PTPRD: variants seen among roughly 807,000 people sequenced by gnomAD.
The protein encoded by PTPRD is protein tyrosine phosphatase receptor type D, also known as receptor-type tyrosine-protein phosphatase delta.
Under a neutral mutation model 214.5 loss-of-function variants are expected in PTPRD, and 34 were observed. The ratio of observed to expected loss-of-function variants is 0.16; its 90% CI spans 0.12 to 0.21. The LOEUF is 0.21. Among genes scored for constraint, PTPRD ranks in the 10% least tolerant of loss-of-function variants. The pLI, the probability that PTPRD is intolerant of heterozygous loss-of-function variation, is 1.00. For missense variants in PTPRD, 2,545 were observed against 2,398.7 expected (o/e 1.06, Z -1.27); for synonymous variants, 1,128 against 845.7 (o/e 1.33, Z -5.79).
chr9:9,216,864 A>G (rs531578226), intron 9 of PTPRD, among the ~76,000 whole-genome samples: 1 of 152,314 alleles, frequency 6.6e-6, no homozygotes, highest in African/African-American at 2.4e-5. Context: ...AAAATAATTT[A>G]AAATGGAACA....
At chr9:9,524,487 AT>A (rs2073541764) in intron 8 of PTPRD, among the ~76,000 whole-genome samples, 1 of 152,172 alleles carries the variant, frequency 6.6e-6, no homozygotes, top group Admixed American at 6.6e-5. Context: ...GTACTCTATC[AT>A]TTAAACTGTA....
At chr9:9,836,450 A>T (rs1480720936) in intron 5 of PTPRD, among the ~76,000 whole-genome samples, 1 of 152,130 alleles carries the variant, frequency 6.6e-6, no homozygotes, top group Non-Finnish European at 1.5e-5. Context: ...CAAACCCTCA[A>T]AAATTTGAAC....
intron 11 of PTPRD, among the ~76,000 whole-genome samples, chr9:8,973,454 C>G (rs1200761945): frequency 1.3e-5 from 2 of 151,994 alleles, no homozygotes; most frequent in Non-Finnish European, 2.9e-5. Flanking sequence ...TTTTCTTTAT[C>G]CAATCCACCG....
intron 9 of PTPRD, among the ~76,000 whole-genome samples, chr9:9,382,469 C>A (rs1259248216): frequency 2.0e-5 from 3 of 152,042 alleles, no homozygotes; most frequent in Non-Finnish European, 4.4e-5. Flanking sequence ...GAATCTCCTA[C>A]AACTAAATAG....
intron 34 of PTPRD, among the ~76,000 whole-genome samples, 176 bp from the exon 35 acceptor site, chr9:8,436,865 G>C (rs1420621709): frequency 1.3e-5 from 2 of 152,130 alleles, no homozygotes; most frequent in African/African-American, 2.4e-5. Flanking sequence ...ACATGCTCTG[G>C]GAAGATGAAT....
chr9:10,429,447 C>T (rs767313918), intron 2 of PTPRD, among the ~76,000 whole-genome samples: 8 of 151,774 alleles, frequency 5.3e-5, no homozygotes, highest in South Asian at 2.1e-4. Context: ...GGTCTATCAA[C>T]GAATGAATAA....
At chr9:10,167,166 G>A (rs536077107) in intron 3 of PTPRD, among the ~76,000 whole-genome samples, 2 of 151,650 alleles carry the variant, frequency 1.3e-5, no homozygotes, top group South Asian at 4.2e-4. Context: ...GAAGCTTATG[G>A]AGTAGTATGG....
At chr9:9,251,265 G>A (rs1318393896) in intron 9 of PTPRD, among the ~76,000 whole-genome samples, 2 of 152,040 alleles carry the variant, frequency 1.3e-5, no homozygotes, top group African/African-American at 4.8e-5. Context: ...GCATCTGAAT[G>A]TGGCAGCATG....
intron 7 of PTPRD, among the ~76,000 whole-genome samples, chr9:9,670,619 T>C (rs961855054): frequency 6.6e-6 from 1 of 152,188 alleles, no homozygotes; most frequent in Non-Finnish European, 1.5e-5. Context: ...CCCAGTGTCC[T>C]GGTGCTGTGT....
At chr9:8,554,394 G>A (rs978695188) in intron 14 of PTPRD, among the ~76,000 whole-genome samples, 2 of 152,092 alleles carry the variant, frequency 1.3e-5, no homozygotes, top group Non-Finnish European at 2.9e-5. Context: ...TTAAATATGG[G>A]AAAGTAAAAA....
At chr9:10,479,109 G>A (rs1014766132) in intron 2 of PTPRD, among the ~76,000 whole-genome samples, 2 of 152,080 alleles carry the variant, frequency 1.3e-5, no homozygotes, top group Non-Finnish European at 2.9e-5. Context: ...CAGAATGTTT[G>A]GCTAGGCTAA....
At chr9:8,345,933 A>G (rs1031874596) in intron 39 of PTPRD, among the ~76,000 whole-genome samples, 3 of 152,064 alleles carry the variant, frequency 2.0e-5, no homozygotes, top group African/African-American at 7.2e-5. Flanking sequence ...TAATGCTCCA[A>G]AAGTTCTGTC....
intron 3 of PTPRD, among the ~76,000 whole-genome samples, chr9:10,197,732 G>C (rs2099403637): frequency 6.6e-6 from 1 of 152,082 alleles, no homozygotes; most frequent in South Asian, 2.1e-4. Context: ...GGGGAAGGCT[G>C]AGATATGCAG....
intron 9 of PTPRD, among the ~76,000 whole-genome samples, chr9:9,259,461 G>A (rs139184584): frequency 1.9e-4 from 29 of 151,950 alleles, no homozygotes; most frequent in African/African-American, 6.5e-4. Flanking sequence ...ACCTACATGT[G>A]TAAGTGTAAA....
At chr9:10,272,446 T>C (rs2154383722) in intron 3 of PTPRD, among the ~76,000 whole-genome samples, 1 of 152,348 alleles carries the variant, frequency 6.6e-6, no homozygotes, top group Non-Finnish European at 1.5e-5. Context: ...TATGTGTTCA[T>C]TTTTCTTGGA....
intron 2 of PTPRD, among the ~76,000 whole-genome samples, chr9:10,475,643 T>C (rs2099057805): frequency 6.6e-6 from 1 of 152,074 alleles, no homozygotes; most frequent in African/African-American, 2.4e-5. Flanking sequence ...GCCAGAATCA[T>C]CCTGATTCCA....
At chr9:10,092,433 T>C (rs1590935050) in intron 3 of PTPRD, among the ~76,000 whole-genome samples, 1 of 151,432 alleles carries the variant, frequency 6.6e-6, no homozygotes, top group African/African-American at 2.4e-5. Context: ...ATGTGATATT[T>C]CTGCTGAGAA....
chr9:8,442,729 T>C (rs542312918), intron 34 of PTPRD, among the ~76,000 whole-genome samples: 13 of 152,298 alleles, frequency 8.5e-5, no homozygotes, highest in Non-Finnish European at 1.9e-4. Context: ...AATACTCTGC[T>C]ATATTTGTTA....
chr9:10,427,678 A>G lies in PTPRD; in HGVS notation c.-599-86661T>C, dbSNP rs528056922. ...AGTTTCTGTCCCGATTAGATAAATA[A>G]TTAGTCACTTTCAATGGAAAGCTTC... is the stretch of plus-strand genomic sequence containing the variant. On this transcript the variant is annotated intron_variant, in intron 2 of 45. Coordinates refer to ENST00000381196, the MANE Select transcript of PTPRD (RefSeq NM_002839.4). Among the ~76,000 whole-genome samples the G allele has an allele frequency of 3.9e-5, 6 of 152,206 alleles. No homozygotes were observed. The South Asian group carries it at 1.0e-3, about 26-fold the overall frequency.
Sources: allele counts gnomAD v4.1 joint callset (sites outside exome capture counted in the v4.1 genomes callset), GRCh38; gene constraint gnomAD v4.1.1; transcripts MANE v1.5; gene names NCBI Gene and HGNC (gene_info 2026-07-23, HGNC 2026-07-21).